Variants in RPS6KA2 observed in about 807,000 individuals in gnomAD.
RPS6KA2 encodes ribosomal protein S6 kinase A2.
A neutral mutation model predicts 91.8 loss-of-function variants in RPS6KA2; 42 were observed. The ratio of observed to expected loss-of-function variants is 0.46; its 90% CI spans 0.36 to 0.59. RPS6KA2 has a LOEUF of 0.59. Among genes scored for constraint, RPS6KA2 ranks in the 20% least tolerant of loss-of-function variants. The pLI is 0.00. For synonymous variants in RPS6KA2, 414 were observed against 393.6 expected (o/e 1.05, Z -0.61); for missense variants, 798 against 978.5 (o/e 0.82, Z 2.46).
intron 12 of RPS6KA2, among the ~76,000 whole-genome samples, chr6:166,457,476 G>A (rs2128458975): frequency 6.6e-6 from 1 of 152,340 alleles, no homozygotes. Flanking sequence ...ACCGGAGAGA[G>A]CAGACCCAGA....
At chr6:166,625,316 T>TCCCCCC (rs1378588501) in intron 1 of RPS6KA2, among the ~76,000 whole-genome samples, 2 of 73,572 alleles carry the variant, frequency 2.7e-5, no homozygotes, top group African/African-American at 1.6e-4. Flanking sequence ...CGTTTCCTAT[T>TCCCCCC]CCCACCACCC....
chr6:166,655,867 T>G (rs1396678409), intron 2 of RPS6KA2, among the ~76,000 whole-genome samples: 1 of 152,182 alleles, frequency 6.6e-6, no homozygotes, highest in Non-Finnish European at 1.5e-5. Context: ...CAGGACTACA[T>G]GGAGCAGAGC....
intron 2 of RPS6KA2, among the ~76,000 whole-genome samples, chr6:166,787,975 CAAA>C (rs3066794): frequency 3.2e-4 from 25 of 78,928 alleles, no homozygotes; most frequent in African/African-American, 1.0e-3. Context: ...AACAAATTTA[CAAA>C]AAAAAAAAAA....
intron 1 of RPS6KA2, among the ~76,000 whole-genome samples, chr6:166,620,044 G>A (rs1283777178): frequency 1.3e-5 from 2 of 152,138 alleles, no homozygotes; most frequent in African/African-American, 4.8e-5. Context: ...AAGATGTCTT[G>A]GTGCAAAGAA....
In RPS6KA2 at chr6:166,504,091, A is replaced by T. The variant is rs1282735643; in HGVS notation, c.566+415T>A. On this transcript the variant is annotated intron_variant, in intron 6 of 20. Coordinates refer to ENST00000265678, the MANE Select transcript of RPS6KA2 (RefSeq NM_021135.6). ...TCTGGAGGACAGTAGGGAAGAGATG[A>T]GAGAGGAGGAGAAACTGCCCTGGAG... Among the ~76,000 whole-genome samples the T allele has an allele frequency of 2.0e-5, 3 of 152,212 alleles. No homozygotes were observed. In the East Asian group the frequency reaches 5.8e-4, roughly 29 times the overall value.
At chr6:166,839,319 C>T (rs575100472) in intron 2 of RPS6KA2, among the ~76,000 whole-genome samples, 14 of 152,204 alleles carry the variant, frequency 9.2e-5, no homozygotes, top group African/African-American at 2.6e-4. Flanking sequence ...GTGATGATCA[C>T]GTCTCCTGCA....
rs567961719 is a variant in RPS6KA2, at chr6:166,495,930, G to C, written c.747+2578C>G. Among the ~76,000 whole-genome samples, 4 of 152,322 alleles carry C rather than the reference G, an allele frequency of 2.6e-5. No individual in the cohort carries two copies. The East Asian group carries it at 7.7e-4, about 29-fold the overall frequency. On this transcript the variant is annotated intron_variant, in intron 8 of 20. Coordinates refer to ENST00000265678, the MANE Select transcript of RPS6KA2 (RefSeq NM_021135.6). The surrounding 1 kb of genome is among the most constrained non-coding windows in gnomAD (Gnocchi z 4.4). ...GCTGGAGCAAGGCGAGCCCGACGTG[G>C]TCTCATTTCCTCTTCTTCTGGCCCC...
chr6:166,436,763 A>G (rs550541401), intron 14 of RPS6KA2, among the ~76,000 whole-genome samples: 26 of 152,322 alleles, frequency 1.7e-4, no homozygotes, highest in African/African-American at 5.5e-4. Flanking sequence ...CCGTCCTGGA[A>G]GGGAAGTCCC....
Position 166,412,569 on chromosome 6 carries a change from G to T in RPS6KA2, c.*193C>A. 1 of 512,012 alleles carries T rather than the reference G, an allele frequency of 2.0e-6. No individual in the cohort carries two copies. The highest frequency in any genetic ancestry group is 3.4e-6 in the Non-Finnish European group (1 of 296,710). The allele number at this position is 512,012 out of a possible 1,614,324, so 31.7% of individuals were successfully genotyped here. A position where few individuals can be genotyped will look rare whatever the true frequency, so the allele number is the denominator to read the frequency against. ...AAAGAGAGCGGGCGGGGAGGCTGGCGCAGTGAGGCTTGGAGAAGCCCCCAG... is the reference window on the plus strand; with the variant it reads ...AAAGAGAGCGGGCGGGGAGGCTGGCTCAGTGAGGCTTGGAGAAGCCCCCAG... On this transcript the variant is annotated 3_prime_UTR_variant, in exon 21 of 21. Transcript: ENST00000265678. This position sits in a 1 kb window ranked among gnomAD's most constrained non-coding sequence, Gnocchi z 4.3.
chr6:166,535,154 T>C (rs1246865079), intron 2 of RPS6KA2, among the ~76,000 whole-genome samples: 1 of 152,174 alleles, frequency 6.6e-6, no homozygotes, highest in East Asian at 1.9e-4. Flanking sequence ...TAGAACTGCC[T>C]CTCCAGCAGC....
intron 2 of RPS6KA2, among the ~76,000 whole-genome samples, chr6:166,652,719 C>T (rs534433120): frequency 6.5e-4 from 99 of 152,296 alleles, no homozygotes; most frequent in African/African-American, 2.2e-3. Flanking sequence ...TTAGTAATTT[C>T]AGGCGGGGCC....
chr6:166,549,972 G>T (rs916598291), intron 1 of RPS6KA2, among the ~76,000 whole-genome samples: 5 of 152,062 alleles, frequency 3.3e-5, no homozygotes, highest in Non-Finnish European at 7.4e-5. Context: ...TTTAAAAATG[G>T]TAAAAAGTGA....
Position 166,849,053 on chromosome 6 carries a change from CTT to C in RPS6KA2, c.123+9145_123+9146del, listed in dbSNP as rs1169983099. On this transcript the variant is annotated intron_variant, in intron 2 of 21. Transcript: ENST00000503859. The surrounding 1 kb of genome is among the most constrained non-coding windows in gnomAD (Gnocchi z 4.9). ...TGGCCTCGAATCCTGACATCACACT[CTT>C]CTCTCCACATGCATCTCAGGCCAGC... 2.0e-5 allele frequency among the ~76,000 whole-genome samples: 3 copies of C among 152,180 alleles called. No individual in the cohort carries two copies. Among genetic ancestry groups the C allele is most frequent in the Non-Finnish European group, 2.9e-5 (2 of 68,026 alleles).
chr6:166,673,278 G>A (rs533740600), intron 2 of RPS6KA2, among the ~76,000 whole-genome samples: 37 of 152,272 alleles, frequency 2.4e-4, no homozygotes, highest in African/African-American at 8.7e-4. Context: ...CGGCTCTAGG[G>A]ATCTCTGTGC....
rs114855289 is a variant in RPS6KA2 at position 166,569,658 on chromosome 6, G to C, written c.100-30874C>G. ...GGGGCCACATCGTAGGCTGCTGCAC[G>C]GACCACAGACAAGGTCACCTTGGGA... On this transcript the variant is annotated intron_variant, in intron 1 of 20. Transcript: ENST00000265678. 3.5e-3 allele frequency among the ~76,000 whole-genome samples: 540 copies of C among 152,300 alleles called. 3 individuals are homozygous for C. Among genetic ancestry groups the C allele is most frequent in the African/African-American group, 0.013 (523 of 41,564 alleles).
chr6:166,649,977 A>G (rs1413859745), intron 2 of RPS6KA2, among the ~76,000 whole-genome samples: 1 of 152,152 alleles, frequency 6.6e-6, no homozygotes, highest in African/African-American at 2.4e-5. Context: ...AGAGAGAAGT[A>G]GTCTCTGAGT....
chr6:166,618,013 G>C (rs146532090), intron 1 of RPS6KA2, among the ~76,000 whole-genome samples: 20 of 152,340 alleles, frequency 1.3e-4, no homozygotes, highest in African/African-American at 3.8e-4. Flanking sequence ...GCTCTGTCCC[G>C]GATGGCTGAG....
At chr6:166,449,455 A>G (rs2128454737) in intron 13 of RPS6KA2, among the ~76,000 whole-genome samples, 1 of 152,342 alleles carries the variant, frequency 6.6e-6, no homozygotes, top group African/African-American at 2.4e-5. Flanking sequence ...AATAAGTTTA[A>G]TCATAATTAG....
rs767051553 is a variant in RPS6KA2, at chr6:166,821,160, T to C, written c.123+37040A>G. ...ATTATAAGTATTAATTAGGATAAAA[T>C]TGTATAAATGTAAAACACATCTAGC... On this transcript the variant is annotated intron_variant, in intron 2 of 21. Coordinates refer to the RPS6KA2 transcript ENST00000503859. This position sits in a 1 kb window ranked among gnomAD's most constrained non-coding sequence, Gnocchi z 4.1. Among the ~76,000 whole-genome samples the C allele has an allele frequency of 6.6e-6, 1 of 152,268 alleles. No individual in the cohort carries two copies. Among genetic ancestry groups the C allele is most frequent in the East Asian group, 1.9e-4 (1 of 5,186 alleles).
Sources: allele counts gnomAD v4.1 joint callset (sites outside exome capture counted in the v4.1 genomes callset), GRCh38; gene constraint gnomAD v4.1.1; non-coding constraint Gnocchi (gnomAD v3.1); transcripts MANE v1.5; gene names NCBI Gene and HGNC (gene_info 2026-07-23, HGNC 2026-07-21).